The following INSL6 variants were observed in gnomAD, a reference collection of about 807,000 sequenced individuals.
INSL6 encodes the protein insulin like 6.
Under a neutral mutation model 9.4 loss-of-function variants are expected in INSL6, and 16 were observed. That is an observed-to-expected ratio of 1.70 (90% CI 1.15 to 2.59). INSL6 has a LOEUF of 2.59. Among genes scored for constraint, INSL6 ranks in the 30% most tolerant of loss-of-function variants. The pLI, the probability that INSL6 is intolerant of heterozygous loss-of-function variation, is 0.00. For synonymous variants in INSL6, 154 were observed against 96.9 expected (o/e 1.59, Z -3.46); for missense variants, 391 against 257.3 (o/e 1.52, Z -3.56).
At chr9:5,135,520 T>C in intron 2 of INSL6, among the ~76,000 whole-genome samples, 1 of 152,188 alleles carries the variant, frequency 6.6e-6, no homozygotes, top group East Asian at 1.9e-4. Context: ...CCTGAATGAC[T>C]ACTGGGGTAA....
the INSL6 span, among the ~76,000 whole-genome samples, chr9:5,048,699 T>G: frequency 6.6e-6 from 1 of 152,226 alleles, no homozygotes; most frequent in African/African-American, 2.4e-5. Flanking sequence ...GAAAATATCT[T>G]CTATATTTTA....
At chr9:5,120,935 G>A (rs1823570384), downstream of INSL6, among the ~76,000 whole-genome samples, 1 of 152,186 alleles carries the variant, frequency 6.6e-6, no homozygotes, top group Middle Eastern at 3.2e-3. Flanking sequence ...GATCTTTAAT[G>A]TGGAAATGTT....
chr9:5,094,399 T>A, the INSL6 span: 1 of 152,146 alleles, frequency 6.6e-6, no homozygotes, highest in South Asian at 2.1e-4. Flanking sequence ...TCTAGCCACA[T>A]CAAGCCTAGC....
intron 3 of INSL6, among the ~76,000 whole-genome samples, chr9:5,130,882 C>G (rs1824263561): frequency 1.3e-5 from 2 of 150,288 alleles, no homozygotes; most frequent in South Asian, 2.1e-4. Flanking sequence ...GCGCCTGCCA[C>G]TACACCCGGC....
chr9:5,074,463 C>A, the INSL6 span, among the ~76,000 whole-genome samples: 1 of 141,388 alleles, frequency 7.1e-6, no homozygotes, highest in South Asian at 2.3e-4. Context: ...ACATTTCAAA[C>A]TTTAAAAAAA....
the INSL6 span, among the ~76,000 whole-genome samples, chr9:5,073,970 T>C: frequency 6.6e-6 from 1 of 152,134 alleles, no homozygotes; most frequent in Non-Finnish European, 1.5e-5. Context: ...AGGAAAGCAA[T>C]GAAGTTAAAA....
At chr9:4,995,709 G>C in the INSL6 span, among the ~76,000 whole-genome samples, 1 of 152,114 alleles carries the variant, frequency 6.6e-6, no homozygotes, top group Admixed American at 6.5e-5. Flanking sequence ...TCAAGTACTT[G>C]AAAATAAAAT....
the INSL6 span, chr9:5,091,679 A>T: frequency 6.6e-6 from 1 of 152,076 alleles, no homozygotes; most frequent in East Asian, 1.9e-4. Flanking sequence ...GGGTTCGTGA[A>T]ATGGTTTTTG....
chr9:5,015,848 T>TA, the INSL6 span, among the ~76,000 whole-genome samples: 3 of 152,220 alleles, frequency 2.0e-5, no homozygotes, highest in African/African-American at 4.8e-5. Flanking sequence ...GATTTCCAGT[T>TA]ACCATCCTTT....
At position 5,127,103 on chromosome 9, in the gene INSL6, T is replaced by G. The variant is rs115094619; in HGVS notation, c.*11-2592A>C. 1,170 of 267,346 alleles carry G rather than the reference T, an allele frequency of 4.4e-3. 15 individuals carry two copies. The highest frequency in any genetic ancestry group is 0.024 in the African/African-American group (1,114 of 45,734). 16.6% of individuals were successfully genotyped at this position (267,346 alleles called of 1,614,324 possible). A position where few individuals can be genotyped will look rare whatever the true frequency, so the allele number is the denominator to read the frequency against. On this transcript the variant is annotated intron_variant, in intron 3 of 3. Transcript: ENST00000649639. Reference sequence around the variant, plus strand: ...TTTTTCAACTCAGCTTTTTGAGACCTGAAAAAATTATTATGTAAATTTTGC... The same window carrying G: ...TTTTTCAACTCAGCTTTTTGAGACCGGAAAAAATTATTATGTAAATTTTGC...
intron 1 of INSL6, among the ~76,000 whole-genome samples, chr9:5,170,797 T>C (rs572598296): frequency 7.2e-5 from 11 of 152,228 alleles, no homozygotes; most frequent in South Asian, 4.2e-4. Flanking sequence ...CAGGAAGAAG[T>C]TGAATCCCTG....
At position 5,163,960 on chromosome 9, in the gene INSL6, T is replaced by C. The variant is rs1824985185; in HGVS notation, c.595A>G (p.Lys199Glu). The C allele has an allele frequency of 5.0e-6, 8 of 1,610,114 alleles. No homozygotes were observed. Among genetic ancestry groups the C allele is most frequent in the Non-Finnish European group, 6.8e-6 (8 of 1,179,482 alleles). Residue 199 changes from lysine (K) to glutamate (E), a missense_variant, in exon 2 of 2, where the codon AAA (lysine) becomes GAA (glutamate). Transcript: ENST00000381641. Reference protein sequence around the residue: ...SIACLPYIDFKRLKEKRSSLV... With the variant: ...SIACLPYIDFERLKEKRSSLV... ...GATGATCTTTTTTCCTTTAGCCTTTTAAAATCAATATATGGAAGACATGCA... is the reference window on the plus strand; with the variant it reads ...GATGATCTTTTTTCCTTTAGCCTTTCAAAATCAATATATGGAAGACATGCA...
chr9:5,070,318 T>A, the INSL6 span, among the ~76,000 whole-genome samples: 1 of 152,066 alleles, frequency 6.6e-6, no homozygotes, highest in African/African-American at 2.4e-5. Flanking sequence ...AAATTAAAAA[T>A]CTACAAAGAC....
At chr9:5,011,894 T>A in the INSL6 span, among the ~76,000 whole-genome samples, 1 of 152,218 alleles carries the variant, frequency 6.6e-6, no homozygotes, top group African/African-American at 2.4e-5. Context: ...TCTTCAAGTG[T>A]GGCTTTTCTG....
intron 2 of INSL6, among the ~76,000 whole-genome samples, chr9:5,155,912 G>C (rs1335081626): frequency 1.3e-5 from 2 of 150,832 alleles, no homozygotes; most frequent in East Asian, 3.9e-4. Flanking sequence ...AGAACTTAAA[G>C]TATAATTTAA....
Position 5,168,682 on chromosome 9 carries a change from C to T in INSL6, c.290-4417G>A, listed in dbSNP as rs182450702. ...TACAGTATATCATCCAGGAGAATTT[C>T]CCCAAATTAGCAAGACAGGCCAAAA... On this transcript the variant is annotated intron_variant, in intron 1 of 1. Transcript: ENST00000381641. Among the ~76,000 whole-genome samples, 415 of 151,646 alleles carry T rather than the reference C, an allele frequency of 2.7e-3. 5 individuals are homozygous for T. Among genetic ancestry groups the T allele is most frequent in the African/African-American group, 9.6e-3 (393 of 41,022 alleles).
chr9:5,032,694 C>T, the INSL6 span, among the ~76,000 whole-genome samples: 4 of 152,174 alleles, frequency 2.6e-5, no homozygotes. Flanking sequence ...TCCTGACTGT[C>T]AGAAGGAAAA....
the INSL6 span, chr9:5,085,285 A>G: frequency 1.3e-5 from 9 of 707,198 alleles, no homozygotes; most frequent in East Asian, 3.0e-5. Context: ...TGGTTTGCCT[A>G]TGTTAGAACA....
At chr9:5,057,474 C>T in the INSL6 span, among the ~76,000 whole-genome samples, 25 of 151,974 alleles carry the variant, frequency 1.6e-4, no homozygotes, top group Non-Finnish European at 1.8e-4. Context: ...ACTTTTGCAT[C>T]CAATTTCCAG....
Sources: allele counts gnomAD v4.1 joint callset (sites outside exome capture counted in the v4.1 genomes callset), GRCh38; gene constraint gnomAD v4.1.1; transcripts MANE v1.5; gene names NCBI Gene and HGNC (gene_info 2026-07-23, HGNC 2026-07-21).